The following SYT9 variants were observed in gnomAD, a reference collection of about 807,000 sequenced individuals.
SYT9 encodes synaptotagmin 9.
Under a neutral mutation model 48.4 loss-of-function variants are expected in SYT9, and 22 were observed. That is an observed-to-expected ratio of 0.45 (90% CI 0.32 to 0.65). The LOEUF is 0.65. Among genes scored for constraint, SYT9 ranks in the 30% least tolerant of loss-of-function variants. The pLI, the probability that SYT9 is intolerant of heterozygous loss-of-function variation, is 0.03. For missense variants in SYT9, 577 were observed against 622.0 expected (o/e 0.93, Z 0.77); for synonymous variants, 265 against 245.0 (o/e 1.08, Z -0.76).
chr11:7,453,647 G>A (rs1390174530), intron 6 of SYT9, among the ~76,000 whole-genome samples: 1 of 152,204 alleles, frequency 6.6e-6, no homozygotes, highest in African/African-American at 2.4e-5. Context: ...TTTGTGCTGG[G>A]TGGCTGGGGA....
At chr11:7,240,087 A>G (rs897619637) in intron 1 of SYT9, among the ~76,000 whole-genome samples, 129 of 152,148 alleles carry the variant, frequency 8.5e-4, no homozygotes, top group African/African-American at 3.0e-3. Flanking sequence ...GCATGCCGAC[A>G]GTTAGAGGTC....
At chr11:7,348,410 A>G (rs886481538) in intron 3 of SYT9, among the ~76,000 whole-genome samples, 1 of 152,196 alleles carries the variant, frequency 6.6e-6, no homozygotes, top group Admixed American at 6.5e-5. Context: ...GTCAGTTTGC[A>G]TCCTTTACTG....
intron 2 of SYT9, among the ~76,000 whole-genome samples, chr11:7,306,163 A>G (rs16924601): frequency 0.025 from 3,746 of 152,056 alleles, 70 homozygotes; most frequent in East Asian, 0.11. Context: ...GGATGTTTCA[A>G]TTTTCTCAGA....
At chr11:7,325,215 T>G in intron 3 of SYT9, among the ~76,000 whole-genome samples, 1 of 139,960 alleles carries the variant, frequency 7.1e-6, no homozygotes, top group Non-Finnish European at 1.5e-5. Context: ...TATGGCCATT[T>G]TCACGATATT....
intron 3 of SYT9, among the ~76,000 whole-genome samples, chr11:7,407,382 T>TACATGAGAAGCCATAGGTGTCCAG (rs1325154049): frequency 1.4e-5 from 1 of 69,548 alleles, no homozygotes; most frequent in African/African-American, 1.6e-4. Context: ...TTTTTTTTTT[T>TACATGAGAAGCCATAGGTGTCCAG]TTTTTTTTTG....
At chr11:7,318,625 T>C (rs1184614392) in intron 3 of SYT9, among the ~76,000 whole-genome samples, 1 of 152,204 alleles carries the variant, frequency 6.6e-6, no homozygotes, top group Non-Finnish European at 1.5e-5. Flanking sequence ...TAGCTATGTA[T>C]ATTTTGTGGA....
intron 3 of SYT9, among the ~76,000 whole-genome samples, chr11:7,341,507 C>T (rs1229219540): frequency 6.6e-6 from 1 of 152,170 alleles, no homozygotes; most frequent in Non-Finnish European, 1.5e-5. Flanking sequence ...TTACCTGCTG[C>T]CATGTAAGAC....
intron 3 of SYT9, among the ~76,000 whole-genome samples, chr11:7,332,698 C>T (rs1849561454): frequency 6.6e-6 from 1 of 152,220 alleles, no homozygotes; most frequent in African/African-American, 2.4e-5. Context: ...TCCTGAGAGG[C>T]AGGTTGGCTT....
At chr11:7,351,774 G>A (rs948551858) in intron 3 of SYT9, among the ~76,000 whole-genome samples, 1 of 152,168 alleles carries the variant, frequency 6.6e-6, no homozygotes, top group Non-Finnish European at 1.5e-5. Flanking sequence ...AATCCCCAGG[G>A]CTGGGAAGAT....
intron 3 of SYT9, among the ~76,000 whole-genome samples, chr11:7,315,669 G>T (rs1445694456): frequency 6.6e-6 from 1 of 152,188 alleles, no homozygotes; most frequent in African/African-American, 2.4e-5. Context: ...ATACAAATCT[G>T]GATAAGGCTG....
chr11:7,331,804 G>T (rs904662626), intron 3 of SYT9, among the ~76,000 whole-genome samples: 1 of 152,166 alleles, frequency 6.6e-6, no homozygotes, highest in African/African-American at 2.4e-5. Flanking sequence ...GATGCTTCTT[G>T]TGTGCTCTTC....
intron 3 of SYT9, among the ~76,000 whole-genome samples, chr11:7,360,088 G>T (rs1230162920): frequency 6.6e-6 from 1 of 151,978 alleles, no homozygotes; most frequent in Non-Finnish European, 1.5e-5. Flanking sequence ...AGTTTTCCCA[G>T]CACCATTTAT....
At chr11:7,272,361 C>A (rs1848313210) in intron 1 of SYT9, among the ~76,000 whole-genome samples, 1 of 152,148 alleles carries the variant, frequency 6.6e-6, no homozygotes, top group Admixed American at 6.5e-5. Flanking sequence ...TTACTTCCTC[C>A]ATTAATCTCT....
Position 7,451,825 on chromosome 11 carries a change from G to T in SYT9, c.1468-14967G>T, listed in dbSNP as rs1848058372. Among the ~76,000 whole-genome samples the T allele has an allele frequency of 1.1e-4, 16 of 152,294 alleles. 1 individual carries two copies. In the South Asian group the frequency reaches 3.3e-3, roughly 32 times the overall value. On this transcript the variant is annotated intron_variant, in intron 6 of 6. Coordinates refer to ENST00000318881, the MANE Select transcript of SYT9 (RefSeq NM_175733.4). Reference sequence around the variant, plus strand: ...AAAGAAAGCATACTTGAGAAGTAGAGAAGGTGATAATGAGTCCTGATGACA... The same window carrying T: ...AAAGAAAGCATACTTGAGAAGTAGATAAGGTGATAATGAGTCCTGATGACA...
chr11:7,465,447 A>G (rs1848314096), intron 6 of SYT9, among the ~76,000 whole-genome samples: 1 of 152,204 alleles, frequency 6.6e-6, no homozygotes, highest in African/African-American at 2.4e-5. Context: ...TGTTATTCCT[A>G]TATCCATAGA....
chr11:7,407,670 G>A (rs1252871461), intron 3 of SYT9, among the ~76,000 whole-genome samples: 2 of 151,206 alleles, frequency 1.3e-5, no homozygotes, highest in Admixed American at 1.3e-4. Context: ...GTGAGCCACC[G>A]CGCCCGGCCT....
intron 1 of SYT9, among the ~76,000 whole-genome samples, chr11:7,285,717 G>A (rs1848583973): frequency 6.6e-6 from 1 of 152,214 alleles, no homozygotes; most frequent in East Asian, 1.9e-4. Context: ...TCTAAAGCAA[G>A]TTAGTGACTT....
At chr11:7,273,049 T>C (rs1488542471) in intron 1 of SYT9, among the ~76,000 whole-genome samples, 1 of 152,162 alleles carries the variant, frequency 6.6e-6, no homozygotes, top group Admixed American at 6.5e-5. Flanking sequence ...TTAATAGTTA[T>C]CTATCTTATG....
At chr11:7,354,357 C>G (rs933963766) in intron 3 of SYT9, among the ~76,000 whole-genome samples, 1 of 152,202 alleles carries the variant, frequency 6.6e-6, no homozygotes, top group African/African-American at 2.4e-5. Flanking sequence ...TGAAACTTAT[C>G]TATAGACAAT....
Sources: allele counts gnomAD v4.1 joint callset (sites outside exome capture counted in the v4.1 genomes callset), GRCh38; gene constraint gnomAD v4.1.1; transcripts MANE v1.5; gene names NCBI Gene and HGNC (gene_info 2026-07-23, HGNC 2026-07-21).